The following PITPNC1 variants were observed in gnomAD, a reference collection of about 807,000 sequenced individuals.
PITPNC1 encodes cytoplasmic phosphatidylinositol transfer protein 1.
A neutral mutation model predicts 44.7 loss-of-function variants in PITPNC1; 18 were observed. That is an observed-to-expected ratio of 0.40 (90% CI 0.28 to 0.60). The LOEUF (loss-of-function observed/expected upper bound fraction) is 0.60, where lower values mean the gene tolerates loss of function less well. Among genes scored for constraint, PITPNC1 ranks in the 20% least tolerant of loss-of-function variants. PITPNC1 has a pLI of 0.39. For synonymous variants in PITPNC1, 141 were observed against 149.6 expected, an observed-to-expected ratio of 0.94 and a Z score of 0.42; for missense variants, 290 against 418.4, an observed-to-expected ratio of 0.69 and a Z score of 2.68.
chr17:67,494,305 A>G (rs1460431324), intron 1 of PITPNC1, among the ~76,000 whole-genome samples: 2 of 151,358 alleles, frequency 1.3e-5, no homozygotes, highest in Non-Finnish European at 2.9e-5. Flanking sequence ...GGTTCAAGCA[A>G]TTCTCTGCCT....
At chr17:67,536,301 G>A (rs546715553) in intron 2 of PITPNC1, among the ~76,000 whole-genome samples, 9 of 152,246 alleles carry the variant, frequency 5.9e-5, no homozygotes, top group East Asian at 5.8e-4. Flanking sequence ...AGCCAGCTCC[G>A]TCACCCAGGC....
intron 4 of PITPNC1, among the ~76,000 whole-genome samples, chr17:67,554,455 A>G (rs1378495461): frequency 2.0e-5 from 3 of 151,936 alleles, no homozygotes; most frequent in Non-Finnish European, 2.9e-5. Context: ...ATGGGGTTTC[A>G]CCATGTTGGC....
intron 1 of PITPNC1, among the ~76,000 whole-genome samples, chr17:67,509,806 T>G (rs927451897): frequency 2.6e-5 from 4 of 152,148 alleles, no homozygotes; most frequent in Non-Finnish European, 4.4e-5. Context: ...AGAGAAATAT[T>G]ATTAGAAATG....
rs773797594 is a variant in PITPNC1, at chr17:67,522,659, C to CTTTTTTTTTTTTTTTTTTTTTTTTTTT, written c.49-10129_49-10128insTTTTTTTTTTTTTTTTTTTTTTTTTTT. On this transcript the variant is annotated intron_variant, in intron 1 of 8. Transcript: ENST00000581322. ...ATATCATAAAATTTACCATTTTAAT[C>CTTTTTTTTTTTTTTTTTTTTTTTTTTT]TTTTTTTTTTTTTTGGAAAATGAGG... 8.7e-4 allele frequency among the ~76,000 whole-genome samples: 102 copies of CTTTTTTTTTTTTTTTTTTTTTTTTTTT among 117,190 alleles called. 16 individuals are homozygous for CTTTTTTTTTTTTTTTTTTTTTTTTTTT. The highest frequency in any genetic ancestry group is 3.7e-3 in the African/African-American group (85 of 22,802). 76.9% of individuals were successfully genotyped at this position (117,190 alleles called of 152,430 possible).
chr17:67,522,149 C>T lies in PITPNC1; in HGVS notation c.49-10653C>T, dbSNP rs1194414469. Reference sequence around the variant, plus strand: ...TGAAACCCTGTCTCTACTAAAAATACAAAAATTAGCCGGGCGTGGTGGCAC... The same window carrying T: ...TGAAACCCTGTCTCTACTAAAAATATAAAAATTAGCCGGGCGTGGTGGCAC... On this transcript the variant is annotated intron_variant, in intron 1 of 8. Coordinates refer to ENST00000581322, the MANE Select transcript of PITPNC1 (RefSeq NM_012417.4). Among the ~76,000 whole-genome samples, 6 of 152,086 alleles carry T rather than the reference C, an allele frequency of 3.9e-5. No individual in the cohort carries two copies. The South Asian group carries it at 1.0e-3, about 26-fold the overall frequency.
chr17:67,410,493 C>T (rs2038478817), intron 1 of PITPNC1, among the ~76,000 whole-genome samples: 1 of 152,096 alleles, frequency 6.6e-6, no homozygotes, highest in South Asian at 2.1e-4. Context: ...GAGTGATCCT[C>T]CCACCTCAGC....
intron 1 of PITPNC1, among the ~76,000 whole-genome samples, chr17:67,526,007 C>G (rs990456384): frequency 6.6e-6 from 1 of 152,194 alleles, no homozygotes; most frequent in Non-Finnish European, 1.5e-5. Flanking sequence ...AATTCTGTTT[C>G]CTGACCTGGG....
chr17:67,577,510 G>A (rs1031295397), intron 4 of PITPNC1, among the ~76,000 whole-genome samples: 4 of 151,386 alleles, frequency 2.6e-5, no homozygotes, highest in Non-Finnish European at 4.4e-5. Context: ...GCAGTGAGCC[G>A]AGACCACACC....
intron 1 of PITPNC1, among the ~76,000 whole-genome samples, chr17:67,474,747 C>T (rs905946669): frequency 2.0e-5 from 3 of 152,110 alleles, no homozygotes; most frequent in Non-Finnish European, 2.9e-5. Flanking sequence ...CTTGACCTCC[C>T]GGGCTCAAAC....
chr17:67,533,917 CAG>C (rs1267802302), intron 2 of PITPNC1, among the ~76,000 whole-genome samples: 1 of 151,628 alleles, frequency 6.6e-6, no homozygotes, highest in Non-Finnish European at 1.5e-5. Context: ...TTTTTAAAGA[CAG>C]AGTCTCACTC....
intron 4 of PITPNC1, among the ~76,000 whole-genome samples, chr17:67,569,081 C>T (rs1484702957): frequency 6.7e-6 from 1 of 148,408 alleles, no homozygotes; most frequent in Admixed American, 6.8e-5. Flanking sequence ...ACTATCGTCT[C>T]TCTCCCTATG....
chr17:67,474,433 A>G (rs1300761055), intron 1 of PITPNC1, among the ~76,000 whole-genome samples: 2 of 152,136 alleles, frequency 1.3e-5, no homozygotes, highest in Non-Finnish European at 2.9e-5. Context: ...TTTGGAGCAG[A>G]TAATTCATTG....
At chr17:67,475,367 A>T (rs1290627638) in intron 1 of PITPNC1, among the ~76,000 whole-genome samples, 2 of 152,124 alleles carry the variant, frequency 1.3e-5, no homozygotes, top group Non-Finnish European at 2.9e-5. Context: ...TGGGTACAAC[A>T]TTGGTTTGTT....
At chr17:67,598,488 T>C (rs2041489596) in intron 5 of PITPNC1, among the ~76,000 whole-genome samples, 1 of 152,084 alleles carries the variant, frequency 6.6e-6, no homozygotes, top group Non-Finnish European at 1.5e-5. Flanking sequence ...CATTAGGAGG[T>C]GAGGCCTTTG....
chr17:67,628,611 A>T (rs2041925225), intron 5 of PITPNC1, among the ~76,000 whole-genome samples: 1 of 152,202 alleles, frequency 6.6e-6, no homozygotes, highest in Admixed American at 6.5e-5. Context: ...GACCTGAGCC[A>T]GGGCTGGTTC....
chr17:67,569,142 A>G (rs1477341040), intron 4 of PITPNC1, among the ~76,000 whole-genome samples: 1 of 152,154 alleles, frequency 6.6e-6, no homozygotes, highest in East Asian at 1.9e-4. Flanking sequence ...GAAACTGACT[A>G]TGAAATCCCC....
chr17:67,541,190 G>A (rs930494117), intron 2 of PITPNC1, among the ~76,000 whole-genome samples: 3 of 152,024 alleles, frequency 2.0e-5, no homozygotes, highest in Admixed American at 6.6e-5. Context: ...ACTCCAGCCC[G>A]GGTGACGGAG....
chr17:67,556,404 G>C lies in PITPNC1; in HGVS notation c.294+2787G>C, dbSNP rs1598816639. On this transcript the variant is annotated intron_variant, in intron 4 of 8. Transcript: ENST00000581322. ...AAACAGTAAATAATATTTAGTATAA[G>C]AGTGTCCCACATGTTGCATGGGACA... is the stretch of plus-strand genomic sequence containing the variant. Among the ~76,000 whole-genome samples the C allele has an allele frequency of 4.6e-5, 7 of 152,302 alleles. 1 individual carries two copies. Among genetic ancestry groups the C allele is most frequent in the Admixed American group, 6.5e-5 (1 of 15,300 alleles).
At chr17:67,560,599 T>G (rs1305864236) in intron 4 of PITPNC1, among the ~76,000 whole-genome samples, 1 of 152,238 alleles carries the variant, frequency 6.6e-6, no homozygotes, top group African/African-American at 2.4e-5. Flanking sequence ...TATTCACAGA[T>G]GTACCGCTGC....
Sources: allele counts gnomAD v4.1 joint callset (sites outside exome capture counted in the v4.1 genomes callset), GRCh38; gene constraint gnomAD v4.1.1; transcripts MANE v1.5; gene names NCBI Gene and HGNC (gene_info 2026-07-23, HGNC 2026-07-21).